Variants in ZEB2 observed in about 807,000 individuals in gnomAD.
ZEB2 encodes the protein zinc finger E-box-binding homeobox 2.
A neutral mutation model predicts 99.9 loss-of-function variants in ZEB2; 6 were observed. The observed-to-expected ratio is 0.06, with a 90% CI of 0.03 to 0.12. The LOEUF (loss-of-function observed/expected upper bound fraction) is 0.12, where lower values mean the gene tolerates loss of function less well. Among genes scored for constraint, ZEB2 ranks in the 10% least tolerant of loss-of-function variants. ZEB2 has a pLI of 1.00. For synonymous variants in ZEB2, 517 were observed against 542.5 expected (o/e 0.95, Z 0.65); for missense variants, 969 against 1,502.8 (o/e 0.64, Z 5.87).
intron 2 of ZEB2, among the ~76,000 whole-genome samples, chr2:144,483,743 A>G (rs1245438447): frequency 6.6e-6 from 1 of 152,144 alleles, no homozygotes; most frequent in Non-Finnish European, 1.5e-5. Flanking sequence ...GTGAGTCAGG[A>G]GCCAAACCAT....
intron 2 of ZEB2, among the ~76,000 whole-genome samples, chr2:144,490,514 G>A (rs1335521543): frequency 6.6e-6 from 1 of 152,110 alleles, no homozygotes; most frequent in Non-Finnish European, 1.5e-5. Flanking sequence ...GTTCTATAAC[G>A]TTATTATAAT....
intron 2 of ZEB2, chr2:144,513,449 C>T (rs1705076136): frequency 1.4e-6 from 2 of 1,465,956 alleles, no homozygotes; most frequent in Non-Finnish European, 1.8e-6. Flanking sequence ...TCAAATTTAA[C>T]TTTTCCTTTC....
chr2:144,510,586 C>T (rs1480412492), intron 2 of ZEB2, among the ~76,000 whole-genome samples: 1 of 152,120 alleles, frequency 6.6e-6, no homozygotes, highest in East Asian at 1.9e-4. Flanking sequence ...TCAGGAGGGA[C>T]AGGGCCTGGT....
chr2:144,422,955 T>A (rs1703639692), intron 4 of ZEB2, among the ~76,000 whole-genome samples: 1 of 152,184 alleles, frequency 6.6e-6, no homozygotes, highest in Non-Finnish European at 1.5e-5. Context: ...GATAACCATG[T>A]TTTAGTCTTC....
chr2:144,513,021 A>C (rs1267068951), intron 2 of ZEB2: 4 of 1,287,116 alleles, frequency 3.1e-6, no homozygotes, highest in Non-Finnish European at 4.0e-6. Flanking sequence ...ACTGACAGTG[A>C]TCCGAAGGAA....
At chr2:144,480,340 T>C (rs1034410795) in intron 2 of ZEB2, among the ~76,000 whole-genome samples, 1 of 152,160 alleles carries the variant, frequency 6.6e-6, no homozygotes, top group Non-Finnish European at 1.5e-5. Flanking sequence ...TAATATGCTC[T>C]TTCATCATCT....
chr2:144,467,404 A>G (rs1163330423), intron 2 of ZEB2, among the ~76,000 whole-genome samples: 1 of 152,150 alleles, frequency 6.6e-6, no homozygotes, highest in Admixed American at 6.6e-5. Context: ...TATAGCAATG[A>G]TTCTTCACCT....
At chr2:144,415,001 T>C (rs1703520686) in intron 4 of ZEB2, among the ~76,000 whole-genome samples, 2 of 140,712 alleles carry the variant, frequency 1.4e-5, no homozygotes, top group East Asian at 2.0e-4. Flanking sequence ...TTTTACTTTT[T>C]TTCTTTTTTT....
intron 2 of ZEB2, among the ~76,000 whole-genome samples, chr2:144,444,233 T>C (rs1462117367): frequency 6.6e-6 from 1 of 152,218 alleles, no homozygotes; most frequent in African/African-American, 2.4e-5. Flanking sequence ...TTTCGAAAGC[T>C]GAAGCAGCTA....
At chr2:144,459,705 A>G (rs965993920) in intron 2 of ZEB2, among the ~76,000 whole-genome samples, 7 of 152,200 alleles carry the variant, frequency 4.6e-5, no homozygotes, top group African/African-American at 1.7e-4. Context: ...TCTTTGTCAC[A>G]TCCATATCTG....
intron 4 of ZEB2, among the ~76,000 whole-genome samples, chr2:144,420,590 C>T (rs1312027123): frequency 6.6e-6 from 1 of 152,144 alleles, no homozygotes; most frequent in Non-Finnish European, 1.5e-5. Context: ...AAGTTAGCCA[C>T]ATACACCTTA....
At chr2:144,405,799 C>G (rs1453895516) in intron 4 of ZEB2, among the ~76,000 whole-genome samples, 2 of 152,190 alleles carry the variant, frequency 1.3e-5, no homozygotes, top group Non-Finnish European at 2.9e-5. Context: ...AATTATGACT[C>G]TATTCCTGTG....
At chr2:144,406,643 G>A (rs1030472345) in intron 4 of ZEB2, among the ~76,000 whole-genome samples, 2 of 152,196 alleles carry the variant, frequency 1.3e-5, no homozygotes, top group Admixed American at 1.3e-4. Flanking sequence ...AGGGTGGAGA[G>A]TAAGGCGGGA....
chr2:144,474,762 C>T (rs1704408220), intron 2 of ZEB2, among the ~76,000 whole-genome samples: 1 of 152,090 alleles, frequency 6.6e-6, no homozygotes, highest in African/African-American at 2.4e-5. Context: ...CATTCATTAC[C>T]CTCGTTATTA....
chr2:144,429,927 T>C lies in ZEB2; in HGVS notation c.173A>G (p.Gln58Arg), dbSNP rs747953453. The C allele has an allele frequency of 3.1e-6, 5 of 1,613,822 alleles. No individual in the cohort carries two copies. Among genetic ancestry groups the C allele is most frequent in the Non-Finnish European group, 3.4e-6 (4 of 1,179,888 alleles). Residue 58 changes from glutamine (Q) to arginine (R), a missense_variant, in exon 3 of 10, where the codon CAG becomes CGG. Physicochemically the swap from Gln to Arg is conservative, Grantham distance 43. Around this residue, in one of 8 missense-constraint regions of ZEB2, gnomAD observed 173 missense variants for 217.7 expected, o/e 0.79. Transcript: ENST00000627532. ...EDDGIANPLD[Q>R]ETSPASVPNH... The stretch of plus-strand genomic sequence containing the variant: ...GGGCACACTAGCTGGACTCGTCTCC[T>C]GGTCCAGAGGGTTGGCAATACCGTC...
chr2:144,491,029 C>T (rs758140383), intron 2 of ZEB2, among the ~76,000 whole-genome samples: 10 of 152,226 alleles, frequency 6.6e-5, no homozygotes, highest in Non-Finnish European at 1.2e-4. Context: ...GCGTTGAGGA[C>T]TCCCCGAGTA....
At position 144,389,199 on chromosome 2, in the gene ZEB2, C is replaced by T. The variant is rs1239477709; in HGVS notation, c.*252G>A. On this transcript the variant is annotated 3_prime_UTR_variant, in exon 10 of 10. Coordinates refer to ENST00000627532, the MANE Select transcript of ZEB2 (RefSeq NM_014795.4). The surrounding 1 kb of genome is among the most constrained non-coding windows in gnomAD (Gnocchi z 6.8). ...CTTAAAGTATAAATGCTATTAAACA[C>T]AGGAATTAGTCTCTGAACCACACAG... The T allele has an allele frequency of 5.0e-6, 3 of 596,318 alleles. No individual in the cohort carries two copies. The highest frequency in any genetic ancestry group is 8.9e-6 in the Non-Finnish European group (3 of 337,930). 36.9% of individuals were successfully genotyped at this position (596,318 alleles called of 1,614,324 possible).
At position 144,398,884 on chromosome 2, in the gene ZEB2, T is replaced by C. The variant is rs1433336470; in HGVS notation, c.2303A>G (p.Asn768Ser). ...GTCCAATTTTTCAACTGGTTTAATA[T>C]TGGTAAAATGGGAAGGTTTTGTTAG... ...LRLTKPSHFT[N>S]IKPVEKLDHS... is the part of the protein sequence containing the mutation. Residue 768 changes from asparagine (N) to serine (S), a missense_variant, in exon 8 of 10, where the codon AAT becomes AGT. Around this residue, in one of 8 missense-constraint regions of ZEB2, gnomAD observed 346 missense variants for 460.0 expected, o/e 0.75. Coordinates refer to ENST00000627532, the MANE Select transcript of ZEB2 (RefSeq NM_014795.4). 1.9e-6 allele frequency: 3 copies of C among 1,614,122 alleles called. No individual in the cohort carries two copies. Among genetic ancestry groups the C allele is most frequent in the East Asian group, 2.2e-5 (1 of 44,878 alleles).
intron 2 of ZEB2, among the ~76,000 whole-genome samples, chr2:144,480,044 C>T (rs1208354121): frequency 6.6e-6 from 1 of 152,142 alleles, no homozygotes; most frequent in Non-Finnish European, 1.5e-5. Flanking sequence ...TCAGTCCAGT[C>T]TAGTAAACAA....
Sources: allele counts gnomAD v4.1 joint callset (sites outside exome capture counted in the v4.1 genomes callset), GRCh38; gene constraint gnomAD v4.1.1; regional missense constraint gnomAD v4.1.1; non-coding constraint Gnocchi (gnomAD v3.1); transcripts MANE v1.5; gene names NCBI Gene and HGNC (gene_info 2026-07-23, HGNC 2026-07-21).